Variants in ROBO1 observed in about 807,000 individuals in gnomAD.
The protein encoded by ROBO1 is roundabout homolog 1.
In ROBO1, 149 loss-of-function variants were observed where a neutral mutation model predicts 195.9. The ratio of observed to expected loss-of-function variants is 0.76; its 90% CI spans 0.67 to 0.87. ROBO1 has a LOEUF of 0.87. Among genes scored for constraint, ROBO1 ranks in the 40% least tolerant of loss-of-function variants. The pLI is 0.00. For missense variants in ROBO1, 1,933 were observed against 2,068.3 expected (o/e 0.93, Z 1.27); for synonymous variants, 816 against 733.2 (o/e 1.11, Z -1.82).
chr3:79,439,423 TA>T (rs1255553378), intron 2 of ROBO1, among the ~76,000 whole-genome samples: 5 of 152,134 alleles, frequency 3.3e-5, no homozygotes, highest in Non-Finnish European at 5.9e-5. Flanking sequence ...GTAATTTAAA[TA>T]ACTCACATAA....
chr3:79,231,101 T>C (rs1215845327), intron 2 of ROBO1, among the ~76,000 whole-genome samples: 15 of 152,030 alleles, frequency 9.9e-5, no homozygotes. Flanking sequence ...ATGTAAAACC[T>C]GGAAGTATAA....
At position 79,215,986 on chromosome 3, in the gene ROBO1, G is replaced by GA. The variant is rs538260386; in HGVS notation, c.89-90448dup. 9.1e-3 allele frequency among the ~76,000 whole-genome samples: 1,368 copies of GA among 150,970 alleles called. 12 individuals are homozygous for GA. The highest frequency in any genetic ancestry group is 0.015 in the Non-Finnish European group (1,007 of 67,658). Reference sequence around the variant, plus strand: ...ACACTAATCTATCACTAGAAATTCAGAAAAAAAAATTTAATATAAAGATTA... The same window carrying GA: ...ACACTAATCTATCACTAGAAATTCAGAAAAAAAAAATTTAATATAAAGATTA... On this transcript the variant is annotated intron_variant, in intron 2 of 30. Transcript: ENST00000464233.
intron 2 of ROBO1, among the ~76,000 whole-genome samples, chr3:79,187,365 G>A (rs1214838790): frequency 2.0e-5 from 3 of 151,882 alleles, no homozygotes; most frequent in Non-Finnish European, 4.4e-5. Flanking sequence ...CTACTGTGAC[G>A]ATTCTGGATT....
chr3:79,390,307 G>GA (rs1019282723), intron 2 of ROBO1, among the ~76,000 whole-genome samples: 18 of 149,908 alleles, frequency 1.2e-4, no homozygotes, highest in Admixed American at 6.6e-4. Flanking sequence ...AACAAAGGAG[G>GA]AAAAAAAAAT....
chr3:79,628,044 A>T (rs1014426862), intron 1 of ROBO1, among the ~76,000 whole-genome samples: 1 of 152,178 alleles, frequency 6.6e-6, no homozygotes. Context: ...TGGGAACGTA[A>T]GTTAGTTCAA....
chr3:79,181,630 A>C lies in ROBO1; in HGVS notation c.89-56091T>G, dbSNP rs1331113000. Reference sequence around the variant, plus strand: ...ATTATTTTTAGTGAGGAATATGATAATTGTAATATTTTACCTTAATGTAAG... The same window carrying C: ...ATTATTTTTAGTGAGGAATATGATACTTGTAATATTTTACCTTAATGTAAG... On this transcript the variant is annotated intron_variant, in intron 2 of 30. Coordinates refer to ENST00000464233, the MANE Select transcript of ROBO1 (RefSeq NM_002941.4). 2.6e-5 allele frequency among the ~76,000 whole-genome samples: 4 copies of C among 152,206 alleles called. 1 individual carries two copies. The highest frequency in any genetic ancestry group is 5.9e-5 in the Non-Finnish European group (4 of 68,044).
chr3:79,673,534 T>C (rs568225875), intron 1 of ROBO1, among the ~76,000 whole-genome samples: 11 of 152,088 alleles, frequency 7.2e-5, no homozygotes, highest in Non-Finnish European at 1.3e-4. Context: ...CCATAGGCAC[T>C]ATCTCTATAT....
intron 1 of ROBO1, among the ~76,000 whole-genome samples, chr3:79,622,783 C>T (rs927427156): frequency 6.6e-6 from 1 of 152,180 alleles, no homozygotes; most frequent in African/African-American, 2.4e-5. Context: ...TGGGTTTCCT[C>T]CTAGTGAGGT....
intron 3 of ROBO1, among the ~76,000 whole-genome samples, chr3:79,061,048 A>G (rs190172522): frequency 2.6e-3 from 400 of 152,278 alleles, no homozygotes; most frequent in Non-Finnish European, 4.1e-3. Flanking sequence ...TTAGGAAAAG[A>G]GGAAGTCAAA....
chr3:79,327,086 T>G (rs2034243778), intron 2 of ROBO1, among the ~76,000 whole-genome samples: 1 of 152,120 alleles, frequency 6.6e-6, no homozygotes, highest in Non-Finnish European at 1.5e-5. Context: ...AATATATGAT[T>G]ATTATTTACA....
chr3:78,916,604 T>C (rs1338964097), intron 4 of ROBO1, among the ~76,000 whole-genome samples: 1 of 152,040 alleles, frequency 6.6e-6, no homozygotes, highest in African/African-American at 2.4e-5. Context: ...GCAATACTGT[T>C]TTTTTATTTA....
chr3:79,100,568 A>G (rs2079657307), intron 3 of ROBO1, among the ~76,000 whole-genome samples: 6 of 151,798 alleles, frequency 4.0e-5, no homozygotes, highest in Admixed American at 3.3e-4. Flanking sequence ...GAACAATAGT[A>G]TGAATTCACG....
chr3:78,792,558 A>G (rs1198892112), intron 4 of ROBO1, among the ~76,000 whole-genome samples: 1 of 152,186 alleles, frequency 6.6e-6, no homozygotes, highest in Non-Finnish European at 1.5e-5. Flanking sequence ...CTGTGTTTCA[A>G]TAAAAAGGAT....
intron 2 of ROBO1, among the ~76,000 whole-genome samples, chr3:79,297,511 C>T (rs1319322473): frequency 1.3e-5 from 2 of 152,106 alleles, no homozygotes; most frequent in Non-Finnish European, 2.9e-5. Context: ...CATTGTCTAT[C>T]TGACTTGTGA....
chr3:78,938,932 A>G lies in ROBO1; in HGVS notation c.173-5T>C, dbSNP rs889308141. On this transcript the variant is annotated splice_polypyrimidine_tract_variant and splice_region_variant and intron_variant, in intron 3 of 30. Transcript: ENST00000464233. ...CTTCCTGACGAAGACGGGAGCCTGC[A>G]GAAGAATTCACAAAATATCTTCGTA... 1.3e-6 allele frequency: 2 copies of G among 1,596,476 alleles called. No individual in the cohort carries two copies. Among genetic ancestry groups the G allele is most frequent in the Non-Finnish European group, 1.7e-6 (2 of 1,171,732 alleles).
rs869056050 is a variant in ROBO1, at chr3:79,023,696, GTTTTTTTTTTTT to G, written c.173-84781_173-84770del. Reference sequence around the variant, plus strand: ...ATTTTTTTTTTTTTTTTGAGACAGAGTTTTTTTTTTTTTTTTTTTTTTTTTGAGACAGAGTCT... The same window carrying G: ...ATTTTTTTTTTTTTTTTGAGACAGAGTTTTTTTTTTTTTGAGACAGAGTCT... On this transcript the variant is annotated intron_variant, in intron 3 of 30. Coordinates refer to ENST00000464233, the MANE Select transcript of ROBO1 (RefSeq NM_002941.4). Among the ~76,000 whole-genome samples the G allele has an allele frequency of 7.3e-5, 5 of 68,956 alleles. No individual in the cohort carries two copies. In the South Asian group the frequency reaches 3.9e-3, roughly 54 times the overall value. 45.2% of individuals were successfully genotyped at this position (68,956 alleles called of 152,430 possible). A position where few individuals can be genotyped will look rare whatever the true frequency, so the allele number is the denominator to read the frequency against.
intron 1 of ROBO1, among the ~76,000 whole-genome samples, chr3:79,755,484 T>C (rs1190928403): frequency 1.3e-5 from 2 of 152,132 alleles, no homozygotes; most frequent in Non-Finnish European, 2.9e-5. Flanking sequence ...GCTTTATCTT[T>C]GTGTAATGTA....
intron 2 of ROBO1, among the ~76,000 whole-genome samples, chr3:79,439,419 T>TA (rs1354813369): frequency 2.0e-5 from 3 of 152,148 alleles, no homozygotes; most frequent in Non-Finnish European, 4.4e-5. Flanking sequence ...AAAAGTAATT[T>TA]AAATAACTCA....
chr3:78,665,726 G>C (rs1707692468), intron 14 of ROBO1, among the ~76,000 whole-genome samples: 1 of 152,070 alleles, frequency 6.6e-6, no homozygotes, highest in African/African-American at 2.4e-5. Context: ...CCCGAGGAAT[G>C]GGTATGTTTA....
Sources: allele counts gnomAD v4.1 joint callset (sites outside exome capture counted in the v4.1 genomes callset), GRCh38; gene constraint gnomAD v4.1.1; transcripts MANE v1.5; gene names NCBI Gene and HGNC (gene_info 2026-07-23, HGNC 2026-07-21).